The following STOX2 variants were observed in gnomAD, a reference collection of about 807,000 sequenced individuals.
STOX2 encodes storkhead-box protein 2.
STOX2 carries 28 observed loss-of-function variants against 60.9 expected under a neutral mutation model. The observed-to-expected ratio is 0.46, with a 90% CI of 0.34 to 0.63. The LOEUF (loss-of-function observed/expected upper bound fraction) is 0.63, where lower values mean the gene tolerates loss of function less well. STOX2 is among the 30% of genes least tolerant of loss of function. The pLI is 0.01. For missense variants in STOX2, 1,024 were observed against 1,187.7 expected, an observed-to-expected ratio of 0.86 and a Z score of 2.03; for synonymous variants, 472 against 463.9, an observed-to-expected ratio of 1.02 and a Z score of -0.22.
At chr4:183,824,941 C>A (rs1739387668) in intron 1 of STOX2, among the ~76,000 whole-genome samples, 1 of 152,162 alleles carries the variant, frequency 6.6e-6, no homozygotes, top group African/African-American at 2.4e-5. Flanking sequence ...TGACCCTTGC[C>A]CTGGACTACT....
rs933972572 is a variant in STOX2, at chr4:184,020,691, G to C, written c.*3407G>C. 1 of 150,952 alleles carries C rather than the reference G, an allele frequency of 6.6e-6. No homozygotes were observed. The highest frequency in any genetic ancestry group is 1.5e-5 in the Non-Finnish European group (1 of 67,860). The allele number at this position is 150,952 out of a possible 1,614,324, so 9.4% of individuals were successfully genotyped here. On this transcript the variant is annotated 3_prime_UTR_variant, in exon 4 of 4. Coordinates refer to ENST00000308497, the MANE Select transcript of STOX2 (RefSeq NM_020225.3). ...ATAATGAACATATGAAAGGGGGGGGGGTGCCATCAAATAGAGAAAACAAAT... is the reference window on the plus strand; with the variant it reads ...ATAATGAACATATGAAAGGGGGGGGCGTGCCATCAAATAGAGAAAACAAAT...
At position 184,022,237 on chromosome 4, in the gene STOX2, A is replaced by C. The variant is rs1190806500; in HGVS notation, c.*4953A>C. On this transcript the variant is annotated 3_prime_UTR_variant, in exon 4 of 4. Transcript: ENST00000308497. Reference sequence around the variant, plus strand: ...CAGATTTTTATTCAGGCGATGTTTCATAAATTACATATATGAAAACATTCA... The same window carrying C: ...CAGATTTTTATTCAGGCGATGTTTCCTAAATTACATATATGAAAACATTCA... The C allele has an allele frequency of 6.6e-6, 1 of 152,234 alleles. No individual in the cohort carries two copies. Among genetic ancestry groups the C allele is most frequent in the Non-Finnish European group, 1.5e-5 (1 of 68,040 alleles). 9.4% of individuals were successfully genotyped at this position (152,234 alleles called of 1,614,324 possible).
chr4:183,869,556 T>A (rs1225331893), intron 1 of STOX2, among the ~76,000 whole-genome samples: 1 of 152,228 alleles, frequency 6.6e-6, no homozygotes, highest in Non-Finnish European at 1.5e-5. Context: ...TTCCTTAGAT[T>A]AAATCAATAA....
chr4:183,941,033 C>T (rs1182545586), intron 1 of STOX2, among the ~76,000 whole-genome samples: 1 of 152,292 alleles, frequency 6.6e-6, no homozygotes, highest in South Asian at 2.1e-4. Context: ...TTTTATGAAA[C>T]AAGCTCAGAT....
intron 1 of STOX2, among the ~76,000 whole-genome samples, chr4:183,857,341 T>C (rs1210574416): frequency 6.6e-6 from 1 of 151,978 alleles, no homozygotes; most frequent in African/African-American, 2.4e-5. Flanking sequence ...CCCATAGGAC[T>C]GGTTGCCTCG....
At chr4:183,971,195 A>G (rs1743732014) in intron 1 of STOX2, among the ~76,000 whole-genome samples, 1 of 152,204 alleles carries the variant, frequency 6.6e-6, no homozygotes, top group African/African-American at 2.4e-5. Context: ...AGTTTGAAGT[A>G]AAAGTAGGAG....
chr4:183,975,621 A>G (rs888740100), intron 1 of STOX2, among the ~76,000 whole-genome samples: 1 of 152,144 alleles, frequency 6.6e-6, no homozygotes, highest in Admixed American at 6.5e-5. Flanking sequence ...TCACCCCAAA[A>G]TATCCCTTTA....
intron 1 of STOX2, among the ~76,000 whole-genome samples, chr4:183,870,762 G>C (rs983092406): frequency 9.7e-4 from 148 of 152,238 alleles, no homozygotes; most frequent in Non-Finnish European, 2.5e-4. Flanking sequence ...GCACTGATGG[G>C]GGAGAAGAAT....
chr4:183,810,699 A>G (rs1241175071), intron 1 of STOX2, among the ~76,000 whole-genome samples: 2 of 148,006 alleles, frequency 1.4e-5, no homozygotes, highest in African/African-American at 5.3e-5. Context: ...GGATAAATGG[A>G]TGAATTGCCT....
chr4:183,868,109 C>T (rs1740612953), intron 1 of STOX2, among the ~76,000 whole-genome samples: 1 of 151,588 alleles, frequency 6.6e-6, no homozygotes, highest in African/African-American at 2.4e-5. Flanking sequence ...CTTTCTGAAG[C>T]CATGACTGAA....
At position 184,010,565 on chromosome 4, in the gene STOX2, G is replaced by A. The variant is rs778505006; in HGVS notation, c.1727G>A (p.Gly576Glu). 6.2e-7 allele frequency: 1 copy of A among 1,613,890 alleles called. No individual in the cohort carries two copies. Among genetic ancestry groups the A allele is most frequent in the Non-Finnish European group, 8.5e-7 (1 of 1,179,856 alleles). Residue 576 changes from glycine to glutamate, a missense_variant, in exon 3 of 4, where the codon GGA becomes GAA. Coordinates refer to ENST00000308497, the MANE Select transcript of STOX2 (RefSeq NM_020225.3). This position sits in a 1 kb window ranked among gnomAD's most constrained non-coding sequence, Gnocchi z 4.5. ...AGCGCTTGCAGCCTTTTGGAGCCAG[G>A]AAAACCACCCGAGAGTTTGCCATCC... is the stretch of plus-strand genomic sequence containing the variant. ...PSSACSLLEP[G>E]KPPESLPSYG...
chr4:183,954,975 A>G (rs1743206196), intron 1 of STOX2, among the ~76,000 whole-genome samples: 1 of 152,240 alleles, frequency 6.6e-6, no homozygotes, highest in African/African-American at 2.4e-5. Flanking sequence ...TGCTGGGATT[A>G]CAGGCTTGAA....
chr4:183,945,094 T>G (rs1299141067), intron 1 of STOX2, among the ~76,000 whole-genome samples: 3 of 152,238 alleles, frequency 2.0e-5, no homozygotes, highest in Non-Finnish European at 4.4e-5. Flanking sequence ...ATGGAGTCTG[T>G]GAGTGTATCA....
chr4:183,976,500 G>C (rs1407756669), intron 1 of STOX2, among the ~76,000 whole-genome samples: 4 of 146,502 alleles, frequency 2.7e-5, no homozygotes, highest in African/African-American at 9.9e-5. Flanking sequence ...ACCTGATAAA[G>C]AACGTCCACA....
chr4:183,918,329 G>A (rs2309941), intron 1 of STOX2, among the ~76,000 whole-genome samples: 33,182 of 152,158 alleles, frequency 0.22, 4,162 homozygotes, highest in East Asian at 0.51. Flanking sequence ...GAGAATCACC[G>A]TGCAGTCAGT....
At chr4:183,873,743 A>C (rs939597965) in intron 1 of STOX2, among the ~76,000 whole-genome samples, 6 of 152,200 alleles carry the variant, frequency 3.9e-5, no homozygotes, top group Non-Finnish European at 7.3e-5. Flanking sequence ...GCATATAATT[A>C]GTTTCATCAC....
At chr4:184,012,759 A>AGG (rs1172718336) in intron 3 of STOX2, among the ~76,000 whole-genome samples, 1 of 152,222 alleles carries the variant, frequency 6.6e-6, no homozygotes, top group Non-Finnish European at 1.5e-5. Flanking sequence ...CTGACACCTC[A>AGG]GGGAGCCATG....
intron 1 of STOX2, among the ~76,000 whole-genome samples, chr4:183,843,652 A>G (rs966515555): frequency 6.6e-6 from 1 of 152,186 alleles, no homozygotes; most frequent in African/African-American, 2.4e-5. Flanking sequence ...GCATGCCAAA[A>G]TTTGGATTCC....
At chr4:183,819,256 T>C (rs1170752383) in intron 1 of STOX2, among the ~76,000 whole-genome samples, 1 of 151,918 alleles carries the variant, frequency 6.6e-6, no homozygotes, top group Admixed American at 6.5e-5. Flanking sequence ...CTGGGCAACA[T>C]TGAGCACTGA....
Sources: allele counts gnomAD v4.1 joint callset (sites outside exome capture counted in the v4.1 genomes callset), GRCh38; gene constraint gnomAD v4.1.1; non-coding constraint Gnocchi (gnomAD v3.1); transcripts MANE v1.5; gene names NCBI Gene and HGNC (gene_info 2026-07-23, HGNC 2026-07-21).